The following CAMTA1 variants were observed in gnomAD, a reference collection of about 807,000 sequenced individuals.
CAMTA1 encodes calmodulin-binding transcription activator 1.
CAMTA1 carries 27 observed loss-of-function variants against 170.9 expected under a neutral mutation model. That is an observed-to-expected ratio of 0.16 (90% confidence interval 0.12 to 0.22). CAMTA1 has a LOEUF of 0.22. CAMTA1 is among the 10% of genes least tolerant of loss of function. The pLI is 1.00. For synonymous variants in CAMTA1, 833 were observed against 891.5 expected (o/e 0.93, Z 1.17); for missense variants, 1,619 against 2,217.2 (o/e 0.73, Z 5.42).
chr1:6,888,621 T>C (rs1673838651), intron 3 of CAMTA1, among the ~76,000 whole-genome samples: 1 of 152,206 alleles, frequency 6.6e-6, no homozygotes, highest in Non-Finnish European at 1.5e-5. Context: ...TAAATCAAAA[T>C]ATTTTCTAGA....
At chr1:7,109,807 G>T (rs1643903239) in intron 4 of CAMTA1, among the ~76,000 whole-genome samples, 1 of 152,192 alleles carries the variant, frequency 6.6e-6, no homozygotes, top group Non-Finnish European at 1.5e-5. Context: ...CTGTACCTCA[G>T]CACTTTCCTT....
At chr1:6,826,472 A>G (rs903337629) in intron 3 of CAMTA1, among the ~76,000 whole-genome samples, 1 of 152,214 alleles carries the variant, frequency 6.6e-6, no homozygotes, top group Admixed American at 6.5e-5. Context: ...AGTCTTAATC[A>G]TAGTTTGTTA....
chr1:7,156,178 G>A (rs1455975311), intron 4 of CAMTA1, among the ~76,000 whole-genome samples: 1 of 151,586 alleles, frequency 6.6e-6, no homozygotes. Flanking sequence ...GGAGGCTGAG[G>A]CAGGAGAATC....
chr1:6,899,063 T>G (rs539508020), intron 3 of CAMTA1, among the ~76,000 whole-genome samples: 4 of 152,216 alleles, frequency 2.6e-5, no homozygotes, highest in African/African-American at 7.2e-5. Context: ...CGTGGATGCT[T>G]CTTCAGGGTG....
chr1:7,012,865 C>T (rs1006308682), intron 3 of CAMTA1, among the ~76,000 whole-genome samples: 2 of 152,196 alleles, frequency 1.3e-5, no homozygotes, highest in African/African-American at 2.4e-5. Context: ...CTGGACTTCC[C>T]GTCTGAGCTC....
At chr1:6,888,526 G>C (rs905901899) in intron 3 of CAMTA1, among the ~76,000 whole-genome samples, 8 of 152,186 alleles carry the variant, frequency 5.3e-5, no homozygotes, top group Admixed American at 2.0e-4. Flanking sequence ...AAGAAACATG[G>C]AGAAATAAAA....
chr1:6,961,469 G>T (rs1329011088), intron 3 of CAMTA1, among the ~76,000 whole-genome samples: 1 of 152,122 alleles, frequency 6.6e-6, no homozygotes, highest in Non-Finnish European at 1.5e-5. Context: ...AAGGTGCGCT[G>T]CCTGCCGACC....
At chr1:7,679,269 G>A (rs1027116744) in intron 11 of CAMTA1, among the ~76,000 whole-genome samples, 8 of 152,160 alleles carry the variant, frequency 5.3e-5, no homozygotes, top group Non-Finnish European at 7.4e-5. Context: ...TGACTTGGCC[G>A]GCCTCACTAG....
chr1:7,612,337 A>G (rs1558002319), intron 6 of CAMTA1, among the ~76,000 whole-genome samples: 1 of 152,080 alleles, frequency 6.6e-6, no homozygotes, highest in African/African-American at 2.4e-5. Context: ...CTCCTCTCCA[A>G]CTATCCCCAG....
At chr1:6,922,801 G>A (rs1004720385) in intron 3 of CAMTA1, among the ~76,000 whole-genome samples, 3 of 152,154 alleles carry the variant, frequency 2.0e-5, no homozygotes, top group African/African-American at 7.2e-5. Flanking sequence ...AAACCACAGT[G>A]TGGATCCAAT....
chr1:6,792,160 G>A (rs1319503891), intron 1 of CAMTA1, among the ~76,000 whole-genome samples: 2 of 151,936 alleles, frequency 1.3e-5, no homozygotes, highest in Non-Finnish European at 2.9e-5. Flanking sequence ...GTTTCACCAT[G>A]TTGGCCAGGT....
intron 5 of CAMTA1, among the ~76,000 whole-genome samples, chr1:7,436,681 G>A (rs2092358389): frequency 6.6e-6 from 1 of 152,152 alleles, no homozygotes; most frequent in Non-Finnish European, 1.5e-5. Context: ...GCCCTTCCCG[G>A]GCCTGTGGCA....
chr1:7,388,642 C>G (rs946386734), intron 5 of CAMTA1: 137 of 152,512 alleles, frequency 9.0e-4, no homozygotes, highest in Non-Finnish European at 1.3e-3. Flanking sequence ...TGGTGAACGT[C>G]CTGGCCTTGG....
intron 1 of CAMTA1, among the ~76,000 whole-genome samples, chr1:6,796,641 T>A (rs1442107324): frequency 2.0e-5 from 3 of 152,344 alleles, no homozygotes; most frequent in South Asian, 2.1e-4. Context: ...ATATTATTAT[T>A]GTGGTGGAAC....
At chr1:7,312,325 G>A (rs1358263037) in intron 5 of CAMTA1, among the ~76,000 whole-genome samples, 2 of 151,950 alleles carry the variant, frequency 1.3e-5, no homozygotes, top group Non-Finnish European at 2.9e-5. Flanking sequence ...AACAAAAAAC[G>A]GGATTTCTTC....
At chr1:7,226,875 C>A (rs749675311) in intron 4 of CAMTA1, among the ~76,000 whole-genome samples, 2 of 151,986 alleles carry the variant, frequency 1.3e-5, no homozygotes, top group Non-Finnish European at 2.9e-5. Context: ...CTCTGTCACC[C>A]GGGCTGGAGT....
intron 3 of CAMTA1, among the ~76,000 whole-genome samples, chr1:7,013,385 G>A (rs1700101201): frequency 1.3e-5 from 2 of 151,740 alleles, no homozygotes; most frequent in South Asian, 4.2e-4. Context: ...GCTAATTTTT[G>A]TATTTTTAGT....
At chr1:7,029,488 CAAAAAAAAAAA>C (rs55736306) in intron 3 of CAMTA1, among the ~76,000 whole-genome samples, 1 of 63,826 alleles carries the variant, frequency 1.6e-5, no homozygotes, top group Non-Finnish European at 2.9e-5. Flanking sequence ...GACTCTGTCT[CAAAAAAAAAAA>C]AAAAAAAAAA....
At position 7,019,512 on chromosome 1, in the gene CAMTA1, G is replaced by A. The variant is rs1572480739; in HGVS notation, c.235-71792G>A. ...AAGCTCTGAAATGAACAGTGAAGTC[G>A]TGGAGGGGCCCTTTAGCAGAACCCA... On this transcript the variant is annotated intron_variant, in intron 3 of 22. Coordinates refer to ENST00000303635, the MANE Select transcript of CAMTA1 (RefSeq NM_015215.4). Among the ~76,000 whole-genome samples, 3 of 152,194 alleles carry A rather than the reference G, an allele frequency of 2.0e-5. 1 individual carries two copies. Among genetic ancestry groups the A allele is most frequent in the South Asian group, 4.1e-4 (2 of 4,824 alleles).
Sources: gnomAD v4.1 joint callset for allele counts (sites outside exome capture counted in the v4.1 genomes callset) on GRCh38, gnomAD v4.1.1 for gene constraint, MANE v1.5 for transcripts, NCBI Gene and HGNC (gene_info 2026-07-23, HGNC 2026-07-21) for gene names.